Variants in MATN2 observed in about 807,000 individuals in gnomAD.
MATN2 encodes the protein matrilin-2.
MATN2 carries 69 observed loss-of-function variants against 103.2 expected under a neutral mutation model. The observed-to-expected ratio is 0.67, with a 90% CI of 0.55 to 0.82. The LOEUF is 0.82. Ranked by LOEUF, MATN2 falls within the 40% of genes least tolerant of loss-of-function variation. MATN2 has a pLI of 0.00. For synonymous variants in MATN2, 429 were observed against 450.2 expected (o/e 0.95, Z 0.60); for missense variants, 1,023 against 1,211.5 (o/e 0.84, Z 2.31).
chr8:97,883,007 A>G (rs572690469), intron 1 of MATN2, among the ~76,000 whole-genome samples: 47 of 152,232 alleles, frequency 3.1e-4, no homozygotes, highest in African/African-American at 1.1e-3. Context: ...GAGTGATAAG[A>G]GTTTACATAG....
At chr8:97,984,942 G>A (rs909853835) in intron 6 of MATN2, among the ~76,000 whole-genome samples, 2 of 152,170 alleles carry the variant, frequency 1.3e-5, no homozygotes, top group East Asian at 3.9e-4. Flanking sequence ...GAGAGAAGGA[G>A]GAAACCTTTG....
intron 13 of MATN2, among the ~76,000 whole-genome samples, chr8:98,023,392 C>T (rs568275667): frequency 3.7e-4 from 56 of 152,282 alleles, no homozygotes; most frequent in African/African-American, 1.2e-3. Flanking sequence ...GCTGAACAGC[C>T]GGGTGTTGTG....
At chr8:97,991,660 TG>T (rs554720060) in intron 6 of MATN2, among the ~76,000 whole-genome samples, 147 of 151,808 alleles carry the variant, frequency 9.7e-4, no homozygotes, top group Middle Eastern at 6.8e-3. Flanking sequence ...AGGCGGAGAT[TG>T]CAGTGAGCTG....
At chr8:97,907,047 C>T (rs1025576641) in intron 2 of MATN2, among the ~76,000 whole-genome samples, 4 of 144,492 alleles carry the variant, frequency 2.8e-5, no homozygotes, top group African/African-American at 1.1e-4. Context: ...GTCGCCCAGG[C>T]TGGAGTGCAG....
At chr8:97,937,020 G>A (rs1001835390) in intron 3 of MATN2, among the ~76,000 whole-genome samples, 3 of 152,274 alleles carry the variant, frequency 2.0e-5, no homozygotes, top group African/African-American at 7.2e-5. Context: ...TGCTTTCACT[G>A]CATCTCCCCT....
intron 2 of MATN2, among the ~76,000 whole-genome samples, chr8:97,890,772 T>G (rs1323844091): frequency 1.3e-5 from 2 of 152,256 alleles, no homozygotes; most frequent in African/African-American, 4.8e-5. Context: ...GCTGAAGTTA[T>G]GGCATCCACT....
chr8:98,033,055 C>A lies in MATN2; in HGVS notation c.2595C>A (p.Val865=). Residue 865 remains valine (V), a synonymous_variant, in exon 17 of 19, where the codon GTC becomes GTA. Transcript: ENST00000254898. ...TTCTCTTTACAGAATCTGAGCCAGT[C>A]ACCATAAATATCCAAGACCTACTTT... ...TVQQPTESEP[V]TINIQDLLSC... 6.2e-7 allele frequency: 1 copy of A among 1,606,918 alleles called. No individual in the cohort carries two copies. The highest frequency in any genetic ancestry group is 1.1e-5 in the South Asian group (1 of 89,018).
chr8:98,031,074 C>T (rs1814000015), intron 15 of MATN2, among the ~76,000 whole-genome samples: 1 of 152,172 alleles, frequency 6.6e-6, no homozygotes, highest in Admixed American at 6.5e-5. Context: ...CCATGGTTCC[C>T]ACCTGTAACC....
intron 2 of MATN2, among the ~76,000 whole-genome samples, chr8:97,919,557 G>C (rs139486144): frequency 7.2e-5 from 11 of 152,204 alleles, no homozygotes; most frequent in Admixed American, 2.0e-4. Flanking sequence ...TGATGTTATC[G>C]AGCTGTCGAG....
intron 2 of MATN2, among the ~76,000 whole-genome samples, chr8:97,917,817 G>T (rs1390556143): frequency 6.6e-6 from 1 of 152,172 alleles, no homozygotes; most frequent in Non-Finnish European, 1.5e-5. Flanking sequence ...GGGCATGGTG[G>T]CTCACACCTG....
intron 7 of MATN2, among the ~76,000 whole-genome samples, chr8:97,996,664 G>C (rs34139241): frequency 6.6e-6 from 1 of 152,074 alleles, no homozygotes; most frequent in Admixed American, 6.5e-5. Flanking sequence ...CTGCAGGAGC[G>C]GCCCCTGACT....
rs1307584618 is a variant in MATN2 at position 98,007,461 on chromosome 8, T to C, written c.1451-18T>C. ...GAGGTCTCACTGATAAAGGGCTGCC[T>C]GGCTTTTGGTTTTGCAGGGGTGGAT... On this transcript the variant is annotated intron_variant, in intron 9 of 18. Coordinates refer to ENST00000254898, the MANE Select transcript of MATN2 (RefSeq NM_002380.5). The surrounding 1 kb of genome is among the most constrained non-coding windows in gnomAD (Gnocchi z 4.2). 8 of 1,605,956 alleles carry C rather than the reference T, an allele frequency of 5.0e-6. No individual in the cohort carries two copies. Among genetic ancestry groups the C allele is most frequent in the Non-Finnish European group, 6.8e-6 (8 of 1,173,106 alleles).
intron 4 of MATN2, among the ~76,000 whole-genome samples, chr8:97,958,761 G>A (rs1811215900): frequency 6.6e-6 from 1 of 152,172 alleles, no homozygotes; most frequent in Non-Finnish European, 1.5e-5. Flanking sequence ...CACAACTTGG[G>A]TGAAATTGCT....
In MATN2 at chr8:98,021,209, G is replaced by A. The variant is rs1378041623; in HGVS notation, c.1824G>A (p.Lys608=). 6.2e-7 allele frequency: 1 copy of A among 1,613,174 alleles called. No individual in the cohort carries two copies. Among genetic ancestry groups the A allele is most frequent in the South Asian group, 1.1e-5 (1 of 91,042 alleles). The change falls in exon 13 of 19, where the codon AAG becomes AAA. Residue 608 remains lysine, a synonymous_variant. Transcript: ENST00000254898. Reference sequence around the variant, plus strand: ...AACTCCCTACATTTTCCTCAGGGAAGGATGTCTGCAAATCAACCCACCATG... The same window carrying A: ...AACTCCCTACATTTTCCTCAGGGAAAGATGTCTGCAAATCAACCCACCATG... The part of the protein sequence containing the change: ...LAEDGKRCRR[K]DVCKSTHHGC...
chr8:97,911,012 G>A (rs916360368), intron 2 of MATN2, among the ~76,000 whole-genome samples: 4 of 151,922 alleles, frequency 2.6e-5, no homozygotes, highest in African/African-American at 9.7e-5. Flanking sequence ...TTTTTGAGAC[G>A]TAGTCTAGCT....
intron 1 of MATN2, among the ~76,000 whole-genome samples, chr8:97,881,450 T>G (rs1818249574): frequency 6.6e-6 from 1 of 152,244 alleles, no homozygotes; most frequent in Non-Finnish European, 1.5e-5. Flanking sequence ...GACAGAATAA[T>G]CTTCTCTCTC....
chr8:98,018,077 G>A lies in MATN2; in HGVS notation c.1780G>A (p.Glu594Lys), dbSNP rs1252368546. ...SDDSYTCECL[E>K]GFRLAEDGKR... ...TGACTCATACACGTGCGAGTGCTTG[G>A]AGGGATTCCGGCTCGCTGAGGATGG... Residue 594 changes from glutamate to lysine, a missense_variant, in exon 12 of 19, where the codon GAG (glutamate) becomes AAG (lysine). Coordinates refer to ENST00000254898, the MANE Select transcript of MATN2 (RefSeq NM_002380.5). 1 of 1,613,978 alleles carries A rather than the reference G, an allele frequency of 6.2e-7. No homozygotes were observed. The highest frequency in any genetic ancestry group is 1.1e-5 in the South Asian group (1 of 91,080).
intron 4 of MATN2, chr8:97,950,772 C>T (rs1586081556): frequency 6.6e-6 from 1 of 152,170 alleles, no homozygotes; most frequent in Admixed American, 6.5e-5. Flanking sequence ...GTAATTAAGA[C>T]TGATGGATAA....
intron 7 of MATN2, among the ~76,000 whole-genome samples, chr8:98,000,074 T>G (rs1354155155): frequency 6.6e-6 from 1 of 151,384 alleles, no homozygotes. Context: ...AGAGGTGGGC[T>G]TTCACCATGT....
Sources: gnomAD v4.1 joint callset for allele counts (sites outside exome capture counted in the v4.1 genomes callset) on GRCh38, gnomAD v4.1.1 for gene constraint, Gnocchi (gnomAD v3.1) non-coding constraint, MANE v1.5 for transcripts, NCBI Gene and HGNC (gene_info 2026-07-23, HGNC 2026-07-21) for gene names.